The following G3BP2 variants were observed in gnomAD, a reference collection of about 807,000 sequenced individuals.
G3BP2 encodes G3BP stress granule assembly factor 2.
In G3BP2, 11 loss-of-function variants were observed where a neutral mutation model predicts 56.7. The observed-to-expected ratio is 0.19, with a 90% CI of 0.12 to 0.32. G3BP2 has a LOEUF of 0.32. G3BP2 is among the 10% of genes least tolerant of loss of function. The pLI is 1.00. For missense variants in G3BP2, 340 were observed against 610.9 expected (o/e 0.56, Z 4.67); for synonymous variants, 165 against 191.6 (o/e 0.86, Z 1.15).
At chr4:75,681,498 G>A (rs762974567) in intron 3 of G3BP2, among the ~76,000 whole-genome samples, 12 of 151,784 alleles carry the variant, frequency 7.9e-5, no homozygotes, top group Non-Finnish European at 1.6e-4. Flanking sequence ...ACATACCTAC[G>A]ATAAAGTTTA....
chr4:75,646,208 T>C, intron 11 of G3BP2, 130 bp downstream of exon 11: 4 of 591,732 alleles, frequency 6.8e-6, no homozygotes. Context: ...CTTTATTCTT[T>C]GCATAAATAC....
chr4:75,682,191 C>T (rs760095984), intron 3 of G3BP2, among the ~76,000 whole-genome samples: 25 of 151,980 alleles, frequency 1.6e-4, no homozygotes, highest in African/African-American at 3.6e-4. Flanking sequence ...CCGAGGCAGG[C>T]GGATCACGAG....
intron 3 of G3BP2, among the ~76,000 whole-genome samples, chr4:75,682,978 G>A (rs1173849771): frequency 4.9e-5 from 7 of 141,548 alleles, no homozygotes; most frequent in East Asian, 4.1e-4. Flanking sequence ...GCGAGACTCC[G>A]TCTCAAAAAA....
chr4:75,648,583 G>C (rs1043746141), intron 9 of G3BP2, 56 bp downstream of exon 9: 20 of 905,982 alleles, frequency 2.2e-5, no homozygotes, highest in Non-Finnish European at 3.4e-5. Context: ...TTTAAGTTCA[G>C]TCTTTTACAG....
upstream of G3BP2, among the ~76,000 whole-genome samples, chr4:75,678,297 TGTGTGTGTG>T (rs1483432182): frequency 2.7e-4 from 1 of 3,642 alleles, no homozygotes; most frequent in Non-Finnish European, 5.2e-4. Context: ...GTGCCTAGCT[TGTGTGTGTG>T]TGTGTGTGTG....
At chr4:75,704,815 T>C (rs1719481667) in intron 3 of G3BP2, among the ~76,000 whole-genome samples, 1 of 152,000 alleles carries the variant, frequency 6.6e-6, no homozygotes, top group Admixed American at 6.6e-5. Context: ...GTATTTTTAG[T>C]AGAGACGGGG....
At chr4:75,649,213 C>A in intron 8 of G3BP2, 1 of 152,598 alleles carries the variant, frequency 6.6e-6, no homozygotes, top group Non-Finnish European at 1.5e-5. Context: ...AAATCTCTGC[C>A]CATAACCTTA....
chr4:75,658,827 T>C lies in G3BP2; in HGVS notation c.177+16A>G, dbSNP rs1374080184. The C allele has an allele frequency of 1.3e-6, 2 of 1,506,976 alleles. No individual in the cohort carries two copies. Among genetic ancestry groups the C allele is most frequent in the Non-Finnish European group, 1.8e-6 (2 of 1,082,146 alleles). 93.4% of individuals were successfully genotyped at this position (1,506,976 alleles called of 1,614,324 possible). ...TAACACAAAATTTCTAAACTACATATGAAATTGATACTTACATTTTGGCCA... is the reference window on the plus strand; with the variant it reads ...TAACACAAAATTTCTAAACTACATACGAAATTGATACTTACATTTTGGCCA... On this transcript the variant is annotated intron_variant, in intron 3 of 11. Transcript: ENST00000359707.
rs929045920 is a variant in G3BP2, at chr4:75,694,917, G to A, written c.-25+25960C>T. ...GTAGATTTGGACAGGAAGCGATAAGGACATGAAGGAAACTGGAGCAGCAAG... is the reference window on the plus strand; with the variant it reads ...GTAGATTTGGACAGGAAGCGATAAGAACATGAAGGAAACTGGAGCAGCAAG... On this transcript the variant is annotated intron_variant, in intron 3 of 3. Transcript: ENST00000499709. The A allele has an allele frequency of 8.1e-6, 8 of 985,524 alleles. No individual in the cohort carries two copies. The African/African-American group carries it at 1.4e-4, about 17-fold the overall frequency. The allele number at this position is 985,524 out of a possible 1,614,324, so 61.0% of individuals were successfully genotyped here. A position where few individuals can be genotyped will look rare whatever the true frequency, so the allele number is the denominator to read the frequency against.
chr4:75,723,676 T>G (rs1229584116), intron 1 of G3BP2, among the ~76,000 whole-genome samples: 1 of 152,172 alleles, frequency 6.6e-6, no homozygotes, highest in Non-Finnish European at 1.5e-5. Flanking sequence ...ATTGACTTTT[T>G]TTCTTTAAGG....
chr4:75,667,615 G>A (rs930564607), intron 1 of G3BP2, among the ~76,000 whole-genome samples: 2 of 152,154 alleles, frequency 1.3e-5, no homozygotes, highest in Non-Finnish European at 1.5e-5. Context: ...TCCAAGGCCA[G>A]GCGCAGTGGC....
chr4:75,711,333 A>C (rs1719749589), intron 3 of G3BP2, among the ~76,000 whole-genome samples: 1 of 151,600 alleles, frequency 6.6e-6, no homozygotes, highest in Non-Finnish European at 1.5e-5. Flanking sequence ...AAAAAAAAAA[A>C]AAAAGACTAA....
chr4:75,676,336 ATTT>A (rs34017434), upstream of G3BP2, among the ~76,000 whole-genome samples: 39 of 92,072 alleles, frequency 4.2e-4, no homozygotes, highest in African/African-American at 1.2e-3. Flanking sequence ...ATTGCCAATA[ATTT>A]TTTTTTTTTT....
chr4:75,666,143 C>A (rs1006103020), intron 1 of G3BP2, among the ~76,000 whole-genome samples: 2 of 151,974 alleles, frequency 1.3e-5, no homozygotes, highest in African/African-American at 4.8e-5. Flanking sequence ...TAACAAGGTT[C>A]AAAAAAAGCT....
chr4:75,666,679 TAAG>T (rs1733063938), intron 1 of G3BP2, among the ~76,000 whole-genome samples: 1 of 152,178 alleles, frequency 6.6e-6, no homozygotes, highest in South Asian at 2.1e-4. Flanking sequence ...GCAGTGTACG[TAAG>T]AAGGTTGAGA....
chr4:75,687,170 C>T (rs564756389), intron 3 of G3BP2, among the ~76,000 whole-genome samples: 126 of 152,162 alleles, frequency 8.3e-4, no homozygotes, highest in Non-Finnish European at 1.2e-4. Flanking sequence ...CAAATCTTAT[C>T]TTATAGTTCC....
intron 11 of G3BP2, 46 bp downstream of exon 11, chr4:75,646,292 C>G: frequency 1.2e-6 from 1 of 856,296 alleles, no homozygotes; most frequent in African/African-American, 1.7e-5. Flanking sequence ...TTAATATATA[C>G]AACAGAAATA....
At chr4:75,700,062 A>AT (rs1335932550) in intron 3 of G3BP2, among the ~76,000 whole-genome samples, 7 of 150,940 alleles carry the variant, frequency 4.6e-5, no homozygotes, top group Admixed American at 1.3e-4. Context: ...TATGATATGA[A>AT]TTTTTTTTTT....
chr4:75,702,880 A>G (rs1396395207), intron 3 of G3BP2, among the ~76,000 whole-genome samples: 1 of 152,224 alleles, frequency 6.6e-6, no homozygotes, highest in Non-Finnish European at 1.5e-5. Context: ...CCCTAAAAGG[A>G]TAAGAAGGAG....
Sources: gnomAD v4.1 joint callset for allele counts (sites outside exome capture counted in the v4.1 genomes callset) on GRCh38, gnomAD v4.1.1 for gene constraint, MANE v1.5 for transcripts, NCBI Gene and HGNC (gene_info 2026-07-23, HGNC 2026-07-21) for gene names.